Variants in PTPRG observed in about 807,000 individuals in gnomAD.
PTPRG encodes receptor-type tyrosine-protein phosphatase gamma.
In PTPRG, 102 loss-of-function variants were observed where a neutral mutation model predicts 165.3. The observed-to-expected ratio is 0.62, with a 90% CI of 0.53 to 0.73. The LOEUF is 0.73. PTPRG is among the 30% of genes least tolerant of loss of function. The pLI is 0.00. For missense variants in PTPRG, 1,866 were observed against 1,861.4 expected, an observed-to-expected ratio of 1.00 and a Z score of -0.05; for synonymous variants, 675 against 669.5, an observed-to-expected ratio of 1.01 and a Z score of -0.13.
chr3:61,704,402 G>A (rs2031141301), intron 1 of PTPRG, among the ~76,000 whole-genome samples: 1 of 152,064 alleles, frequency 6.6e-6, no homozygotes, highest in African/African-American at 2.4e-5. Context: ...GGGGAGCATA[G>A]GATTACATCA....
chr3:62,237,011 G>T lies in PTPRG; in HGVS notation c.2375+5700G>T, dbSNP rs1701048912. ...TTTGTTTGTTTGTTAATACAGCAGT[G>T]TTGTGTGGAATTCCAGACATTTCTA... is the stretch of plus-strand genomic sequence containing the variant. On this transcript the variant is annotated intron_variant, in intron 14 of 29. Transcript: ENST00000474889. The surrounding 1 kb of genome is among the most constrained non-coding windows in gnomAD (Gnocchi z 4.5). Among the ~76,000 whole-genome samples, 1 of 152,074 alleles carries T rather than the reference G, an allele frequency of 6.6e-6. No individual in the cohort carries two copies. The highest frequency in any genetic ancestry group is 1.5e-5 in the Non-Finnish European group (1 of 68,028).
At chr3:62,005,451 G>T (rs1274066019) in intron 4 of PTPRG, among the ~76,000 whole-genome samples, 1 of 152,152 alleles carries the variant, frequency 6.6e-6, no homozygotes, top group Non-Finnish European at 1.5e-5. Context: ...AGCAAGCCTT[G>T]CTCTGAAGCC....
At chr3:62,282,990 T>TC (rs1702511610) in intron 28 of PTPRG, 121 bp downstream of exon 28, 2 of 850,654 alleles carry the variant, frequency 2.4e-6, no homozygotes, top group Non-Finnish European at 3.7e-6. Flanking sequence ...TTGTGACAAC[T>TC]CCATGTTATT....
At chr3:61,952,563 C>G (rs2039926245) in intron 2 of PTPRG, among the ~76,000 whole-genome samples, 1 of 152,110 alleles carries the variant, frequency 6.6e-6, no homozygotes, top group Non-Finnish European at 1.5e-5. Context: ...CTGAAATCTC[C>G]CTTTTGAGAT....
intron 2 of PTPRG, among the ~76,000 whole-genome samples, chr3:61,984,863 TTGTCAATTATATAGAA>T (rs1385053065): frequency 6.6e-6 from 1 of 152,194 alleles, no homozygotes; most frequent in Non-Finnish European, 1.5e-5. Context: ...TGAGGAGTGT[TTGTCAATTATATAGAA>T]TGTTTGTCAA....
chr3:62,064,944 G>C (rs1218235632), intron 4 of PTPRG, among the ~76,000 whole-genome samples: 1 of 152,018 alleles, frequency 6.6e-6, no homozygotes. Flanking sequence ...ATGTTAGCCA[G>C]GATGGCCTTG....
intron 2 of PTPRG, among the ~76,000 whole-genome samples, chr3:61,904,803 G>A (rs890469065): frequency 1.3e-5 from 2 of 152,036 alleles, no homozygotes; most frequent in Non-Finnish European, 2.9e-5. Flanking sequence ...TTTTTTTCCA[G>A]TTGACAAAAA....
intron 2 of PTPRG, among the ~76,000 whole-genome samples, chr3:61,959,923 A>G (rs1194691816): frequency 6.6e-6 from 1 of 152,034 alleles, no homozygotes. Context: ...TCCTGCCCCT[A>G]ACGTTCTGTG....
chr3:62,244,364 TG>T (rs1559699516), intron 15 of PTPRG, among the ~76,000 whole-genome samples: 1 of 152,186 alleles, frequency 6.6e-6, no homozygotes, highest in African/African-American at 2.4e-5. Context: ...TGGTTAGTGT[TG>T]GGGTAGGGAA....
chr3:62,236,748 G>C (rs774596845), intron 14 of PTPRG, among the ~76,000 whole-genome samples: 1 of 152,106 alleles, frequency 6.6e-6, no homozygotes, highest in African/African-American at 2.4e-5. Flanking sequence ...CATGATTCTG[G>C]GTTTTCATAT....
chr3:61,802,812 G>A (rs1436953868), intron 2 of PTPRG, among the ~76,000 whole-genome samples: 1 of 152,122 alleles, frequency 6.6e-6, no homozygotes. Context: ...GAGTCATGGG[G>A]ACTGTGAGGA....
intron 1 of PTPRG, among the ~76,000 whole-genome samples, chr3:61,597,401 G>A (rs1700730264): frequency 6.6e-6 from 1 of 152,094 alleles, no homozygotes; most frequent in Admixed American, 6.6e-5. Context: ...ATCTGCTGTT[G>A]ACTGAATTCA....
At chr3:61,920,952 T>A (rs761858021) in intron 2 of PTPRG, among the ~76,000 whole-genome samples, 6 of 152,210 alleles carry the variant, frequency 3.9e-5, no homozygotes, top group Non-Finnish European at 8.8e-5. Flanking sequence ...CTTTGGTGTC[T>A]CCTATTCAAT....
At position 62,293,852 on chromosome 3, in the gene PTPRG, T is replaced by C. The variant is rs577670815; in HGVS notation, c.*545T>C. ...ACTGGGACCTAAAAAGGTCTGTTAA[T>C]GTCATGGCCTTGAAACAGTTCCATT... On this transcript the variant is annotated 3_prime_UTR_variant, in exon 30 of 30. Transcript: ENST00000474889. 1 of 152,694 alleles carries C rather than the reference T, an allele frequency of 6.5e-6. No individual in the cohort carries two copies. Among genetic ancestry groups the C allele is most frequent in the Non-Finnish European group, 1.5e-5 (1 of 68,018 alleles). The allele number at this position is 152,694 out of a possible 1,614,324, so 9.5% of individuals were successfully genotyped here.
At chr3:61,683,106 C>G (rs889586803) in intron 1 of PTPRG, among the ~76,000 whole-genome samples, 2 of 152,168 alleles carry the variant, frequency 1.3e-5, no homozygotes, top group Admixed American at 1.3e-4. Flanking sequence ...GATGTCACAC[C>G]TGGGCTGAAA....
intron 5 of PTPRG, among the ~76,000 whole-genome samples, chr3:62,092,275 A>T (rs1701963455): frequency 6.6e-6 from 1 of 151,644 alleles, no homozygotes; most frequent in African/African-American, 2.4e-5. Flanking sequence ...CCCCATCTCT[A>T]CTAAAAATAC....
intron 5 of PTPRG, among the ~76,000 whole-genome samples, chr3:62,112,740 T>C (rs1443235942): frequency 6.6e-6 from 1 of 152,168 alleles, no homozygotes; most frequent in Non-Finnish European, 1.5e-5. Flanking sequence ...ACAACTGATA[T>C]CAGGGTAACA....
rs1204694043 is a variant in PTPRG at position 61,569,130 on chromosome 3, TG to T, written c.85+6759del. On this transcript the variant is annotated intron_variant, in intron 1 of 29. Transcript: ENST00000474889. The stretch of plus-strand genomic sequence containing the variant: ...GTTGATGAGAGTTGCCATACTATTT[TG>T]TCAGCATGTAGCAGGAAGAAAAATC... Among the ~76,000 whole-genome samples, 25 of 152,314 alleles carry T rather than the reference TG, an allele frequency of 1.6e-4. No individual in the cohort carries two copies. The East Asian group carries it at 4.8e-3, about 29-fold the overall frequency.
At chr3:61,703,904 G>A (rs888581375) in intron 1 of PTPRG, among the ~76,000 whole-genome samples, 1 of 152,160 alleles carries the variant, frequency 6.6e-6, no homozygotes, top group African/African-American at 2.4e-5. Flanking sequence ...AAATGAAAAT[G>A]ATACTCCATG....
Sources: allele counts gnomAD v4.1 joint callset (sites outside exome capture counted in the v4.1 genomes callset), GRCh38; gene constraint gnomAD v4.1.1; non-coding constraint Gnocchi (gnomAD v3.1); transcripts MANE v1.5; gene names NCBI Gene and HGNC (gene_info 2026-07-23, HGNC 2026-07-21).